The following KIF13B variants were observed in gnomAD, a reference collection of about 807,000 sequenced individuals.
KIF13B encodes kinesin-like protein KIF13B.
A neutral mutation model predicts 222.0 loss-of-function variants in KIF13B; 127 were observed. That is an observed-to-expected ratio of 0.57 (90% confidence interval 0.50 to 0.66). The LOEUF (loss-of-function observed/expected upper bound fraction) is 0.66. Ranked by LOEUF, KIF13B falls within the 30% of genes least tolerant of loss-of-function variation. The pLI, the probability that KIF13B is intolerant of heterozygous loss-of-function variation, is 0.00. For missense variants in KIF13B, 2,173 were observed against 2,379.0 expected (o/e 0.91, Z 1.80); for synonymous variants, 976 against 919.0 (o/e 1.06, Z -1.12).
Position 29,146,436 on chromosome 8 carries a change from C to T in KIF13B, c.2129G>A (p.Arg710Lys). The change falls in exon 18 of 40, where the codon AGA (arginine) becomes AAA (lysine). Residue 710 changes from arginine to lysine, a missense_variant. Around this residue, in one of 2 missense-constraint regions of KIF13B, gnomAD observed 1,480 missense variants for 1,722.8 expected, o/e 0.86. Transcript: ENST00000524189. Reference sequence around the variant, plus strand: ...CTGTAGGGTAACTTTGTATTCTGTTCTTTTATCCAGCTCCTCAGCAATGTA... The same window carrying T: ...CTGTAGGGTAACTTTGTATTCTGTTTTTTTATCCAGCTCCTCAGCAATGTA... ...ANYIAEELDK[R>K]TEYKVTLQIP... 1 of 1,613,856 alleles carries T rather than the reference C, an allele frequency of 6.2e-7. No individual in the cohort carries two copies. The highest frequency in any genetic ancestry group is 8.5e-7 in the Non-Finnish European group (1 of 1,179,830).
chr8:29,250,763 C>G lies in KIF13B; in HGVS notation c.56-5324G>C, dbSNP rs564879364. Among the ~76,000 whole-genome samples, 8 of 152,248 alleles carry G rather than the reference C, an allele frequency of 5.3e-5. No individual in the cohort carries two copies. The East Asian group carries it at 1.5e-3, about 29-fold the overall frequency. ...CCCAATCAAATAAAGGCAGTGAGAT[C>G]TGAAGCAAGCTTAAGGGTCAGATAT... On this transcript the variant is annotated intron_variant, in intron 1 of 39. Transcript: ENST00000524189.
intron 1 of KIF13B, among the ~76,000 whole-genome samples, chr8:29,247,598 T>C (rs1201485490): frequency 5.3e-5 from 8 of 151,220 alleles, no homozygotes; most frequent in African/African-American, 1.2e-4. Flanking sequence ...AGAGACCAAA[T>C]TGGGAGGACT....
chr8:29,183,163 AGTTT>A (rs1281582421), intron 6 of KIF13B, among the ~76,000 whole-genome samples: 7 of 129,796 alleles, frequency 5.4e-5, no homozygotes, highest in South Asian at 2.4e-4. Flanking sequence ...TAATCCTTAA[AGTTT>A]GTTTTTTTTT....
In KIF13B at chr8:29,070,589, G is replaced by A; in HGVS notation, c.5396C>T (p.Thr1799Ile). 6 of 1,599,786 alleles carry A rather than the reference G, an allele frequency of 3.8e-6. No homozygotes were observed. Among genetic ancestry groups the A allele is most frequent in the Non-Finnish European group, 4.3e-6 (5 of 1,173,478 alleles). ...GGCAGCTGTCAGCGAGGCCAGGTTG[G>A]TGGCGGAGCCCGAGAGGGTGGCGCT... is the stretch of plus-strand genomic sequence containing the variant. ...RRSATLSGSA[T>I]NLASLTAALA... The change falls in exon 40 of 40, where the codon ACC becomes ATC. Residue 1799 changes from threonine to isoleucine, a missense_variant. Physicochemically the swap from Thr to Ile is moderately conservative, Grantham distance 89. This residue lies in a region of KIF13B where 693 missense variants were observed against 656.2 expected (regional missense o/e 1.06). Coordinates refer to ENST00000524189, the MANE Select transcript of KIF13B (RefSeq NM_015254.4). The surrounding 1 kb of genome is among the most constrained non-coding windows in gnomAD (Gnocchi z 4.1).
chr8:29,109,639 C>A (rs997910079), intron 33 of KIF13B, 128 bp from the exon 34 acceptor site: 15 of 822,440 alleles, frequency 1.8e-5, no homozygotes, highest in Non-Finnish European at 3.1e-5. Flanking sequence ...AATGCTGTTA[C>A]GTGATTATTA....
intron 12 of KIF13B, among the ~76,000 whole-genome samples, 186 bp from the exon 13 acceptor site, chr8:29,161,053 A>G (rs951629068): frequency 6.6e-6 from 1 of 152,218 alleles, no homozygotes; most frequent in South Asian, 2.1e-4. Context: ...TGTTAATTCT[A>G]ATTTTATTTT....
intron 13 of KIF13B, among the ~76,000 whole-genome samples, chr8:29,157,392 CAAA>C (rs371702237): frequency 6.7e-5 from 6 of 89,154 alleles, no homozygotes; most frequent in African/African-American, 4.4e-5. Flanking sequence ...TCGTCTCTAC[CAAA>C]AAAAAAAAAA....
chr8:29,195,963 G>A (rs1813400676), intron 3 of KIF13B, among the ~76,000 whole-genome samples: 1 of 152,234 alleles, frequency 6.6e-6, no homozygotes, highest in Admixed American at 6.5e-5. Context: ...GTAGCTGCTA[G>A]GAGACCAGCC....
At chr8:29,175,127 T>C (rs1416477771) in intron 10 of KIF13B, among the ~76,000 whole-genome samples, 4 of 150,896 alleles carry the variant, frequency 2.7e-5, no homozygotes, top group Admixed American at 2.6e-4. Flanking sequence ...ATTTTAAAAA[T>C]AGAAAAAAAA....
chr8:29,085,227 C>T (rs533609132), intron 37 of KIF13B, among the ~76,000 whole-genome samples: 1 of 152,270 alleles, frequency 6.6e-6, no homozygotes, highest in Admixed American at 6.5e-5. Context: ...TAATAAGCAT[C>T]CAGGTTTTCA....
At chr8:29,167,122 G>A (rs554161624) in intron 11 of KIF13B, among the ~76,000 whole-genome samples, 5 of 152,270 alleles carry the variant, frequency 3.3e-5, no homozygotes, top group Admixed American at 3.3e-4. Flanking sequence ...TCTGCCGCCT[G>A]AATAGAAATG....
At chr8:29,141,843 G>T (rs1473931580) in intron 19 of KIF13B, among the ~76,000 whole-genome samples, 1 of 152,174 alleles carries the variant, frequency 6.6e-6, no homozygotes, top group Non-Finnish European at 1.5e-5. Flanking sequence ...ATGAGGCCTG[G>T]CCTCTGTCCT....
In KIF13B at chr8:29,188,618, G is replaced by A. The variant is rs1813046337; in HGVS notation, c.224-11C>T. ...AAACAATATCTTGACCTGAGAGAGA[G>A]AGAATAAGAGAAAAGATATTTTAAG... On this transcript the variant is annotated splice_polypyrimidine_tract_variant and intron_variant, in intron 4 of 39. Coordinates refer to ENST00000524189, the MANE Select transcript of KIF13B (RefSeq NM_015254.4). 7 of 1,548,760 alleles carry A rather than the reference G, an allele frequency of 4.5e-6. No homozygotes were observed. Among genetic ancestry groups the A allele is most frequent in the Non-Finnish European group, 6.2e-6 (7 of 1,130,556 alleles).
chr8:29,120,123 A>G (rs1232644168), intron 29 of KIF13B, among the ~76,000 whole-genome samples: 1 of 151,332 alleles, frequency 6.6e-6, no homozygotes, highest in Non-Finnish European at 1.5e-5. Flanking sequence ...ATCCAGGCCC[A>G]AAATATTTTA....
chr8:29,199,004 C>T (rs1813562330), intron 2 of KIF13B, among the ~76,000 whole-genome samples: 1 of 151,438 alleles, frequency 6.6e-6, no homozygotes, highest in Admixed American at 6.6e-5. Flanking sequence ...ACTAAAATCT[C>T]AGAAGTCCCC....
Position 29,109,418 on chromosome 8 carries a change from G to C in KIF13B, c.4161+16C>G, listed in dbSNP as rs1809250016. On this transcript the variant is annotated intron_variant, in intron 34 of 39. Coordinates refer to ENST00000524189, the MANE Select transcript of KIF13B (RefSeq NM_015254.4). ...AAGTCCCAGGCACAGCACAGAGCTT[G>C]GTTCCACACACTCACTCTGTTCACA... 6.2e-7 allele frequency: 1 copy of C among 1,600,282 alleles called. No individual in the cohort carries two copies. The highest frequency in any genetic ancestry group is 8.6e-7 in the Non-Finnish European group (1 of 1,167,600).
intron 5 of KIF13B, 148 bp from the exon 6 acceptor site, chr8:29,186,620 G>A (rs1812941028): frequency 6.6e-6 from 4 of 606,850 alleles, no homozygotes. Flanking sequence ...AAGTACAGAA[G>A]CTTTTTTACT....
In KIF13B at chr8:29,126,475, A is replaced by G. The variant is rs1200558828; in HGVS notation, c.3252+7T>C. 2.6e-6 allele frequency: 4 copies of G among 1,528,258 alleles called. No individual in the cohort carries two copies. The highest frequency in any genetic ancestry group is 3.6e-6 in the Non-Finnish European group (4 of 1,110,994). The allele number at this position is 1,528,258 out of a possible 1,614,324, so 94.7% of individuals were successfully genotyped here. On this transcript the variant is annotated splice_region_variant and intron_variant, in intron 26 of 39. Coordinates refer to ENST00000524189, the MANE Select transcript of KIF13B (RefSeq NM_015254.4). ...ATTTGAGATGAGATTAACAGGTGCT[A>G]AATTACCTGGTAGCTGTCCATGTCT...
At chr8:29,208,663 G>A (rs997012513) in intron 2 of KIF13B, among the ~76,000 whole-genome samples, 67 of 152,322 alleles carry the variant, frequency 4.4e-4, no homozygotes, top group Admixed American at 1.0e-3. Flanking sequence ...GGCAGACCAC[G>A]TACAACCAGA....
Sources: gnomAD v4.1 joint callset for allele counts (sites outside exome capture counted in the v4.1 genomes callset) on GRCh38, gnomAD v4.1.1 for gene constraint, gnomAD v4.1.1 regional missense constraint, Gnocchi (gnomAD v3.1) non-coding constraint, MANE v1.5 for transcripts, NCBI Gene and HGNC (gene_info 2026-07-23, HGNC 2026-07-21) for gene names.